Variants in IMMP2L observed in about 807,000 individuals in gnomAD.
IMMP2L encodes mitochondrial inner membrane protease subunit 2.
Under a neutral mutation model 19.3 loss-of-function variants are expected in IMMP2L, and 18 were observed. That is an observed-to-expected ratio of 0.93 (90% CI 0.64 to 1.38). IMMP2L has a LOEUF of 1.38. IMMP2L is among the 40% of genes most tolerant of loss of function. IMMP2L has a pLI of 0.00. For missense variants in IMMP2L, 233 were observed against 218.2 expected (o/e 1.07, Z -0.43); for synonymous variants, 76 against 73.0 (o/e 1.04, Z -0.21).
chr7:110,779,934 G>A (rs1799625577), intron 5 of IMMP2L, among the ~76,000 whole-genome samples: 1 of 151,664 alleles, frequency 6.6e-6, no homozygotes, highest in African/African-American at 2.4e-5. Context: ...AAAGAAAGAG[G>A]AAAACACACG....
chr7:111,351,865 G>C (rs1194871941), intron 3 of IMMP2L, among the ~76,000 whole-genome samples: 1 of 152,084 alleles, frequency 6.6e-6, no homozygotes, highest in Non-Finnish European at 1.5e-5. Flanking sequence ...CATATTTCAA[G>C]ACAGCTGCTA....
rs77902135 is a variant in IMMP2L, at chr7:110,912,790, T to C, written c.306-26095A>G. 3.7e-3 allele frequency among the ~76,000 whole-genome samples: 565 copies of C among 152,136 alleles called. 4 individuals are homozygous for C. The highest frequency in any genetic ancestry group is 0.01 in the Middle Eastern group (3 of 294). On this transcript the variant is annotated intron_variant, in intron 4 of 5. Coordinates refer to ENST00000405709, the MANE Select transcript of IMMP2L (RefSeq NM_032549.4). ...CCTAAGTTGATAATCAAGGTCTACATCTAGCCTGAAAGTAAAGTAGCAACC... is the reference window on the plus strand; with the variant it reads ...CCTAAGTTGATAATCAAGGTCTACACCTAGCCTGAAAGTAAAGTAGCAACC...
chr7:111,176,608 G>A (rs561932916), intron 3 of IMMP2L, among the ~76,000 whole-genome samples: 2 of 151,946 alleles, frequency 1.3e-5, no homozygotes, highest in Admixed American at 6.6e-5. Flanking sequence ...AAGAATGATG[G>A]TTATCAGAGA....
intron 3 of IMMP2L, among the ~76,000 whole-genome samples, chr7:111,156,361 T>G (rs1243945927): frequency 6.6e-6 from 1 of 152,120 alleles, no homozygotes; most frequent in Non-Finnish European, 1.5e-5. Context: ...TTTCCAATAC[T>G]TAGTATTTTA....
chr7:110,893,065 G>C (rs980311379), intron 4 of IMMP2L, among the ~76,000 whole-genome samples: 1 of 152,004 alleles, frequency 6.6e-6, no homozygotes, highest in Non-Finnish European at 1.5e-5. Flanking sequence ...AATAAATAAA[G>C]CAATATTGCA....
chr7:111,014,357 A>C (rs1825278297), intron 3 of IMMP2L, among the ~76,000 whole-genome samples: 1 of 152,078 alleles, frequency 6.6e-6, no homozygotes, highest in Non-Finnish European at 1.5e-5. Context: ...TCTGTGTCAA[A>C]AGAAAAAAAA....
intron 4 of IMMP2L, among the ~76,000 whole-genome samples, chr7:110,956,455 C>G (rs1325560148): frequency 6.6e-6 from 1 of 151,980 alleles, no homozygotes; most frequent in Admixed American, 6.6e-5. Context: ...TTGGAATTCT[C>G]CTGAACAGTC....
chr7:111,215,472 G>C (rs531985529), intron 3 of IMMP2L, among the ~76,000 whole-genome samples: 4 of 152,108 alleles, frequency 2.6e-5, no homozygotes, highest in Non-Finnish European at 5.9e-5. Flanking sequence ...TTTGAATATA[G>C]CTACTTTTAT....
chr7:111,038,402 C>T (rs1268835335), intron 3 of IMMP2L, among the ~76,000 whole-genome samples: 1 of 152,070 alleles, frequency 6.6e-6, no homozygotes, highest in Non-Finnish European at 1.5e-5. Context: ...ATTAGTAATA[C>T]ATGAAAGAGG....
chr7:111,337,187 T>C (rs1003354794), intron 3 of IMMP2L, among the ~76,000 whole-genome samples: 4 of 152,044 alleles, frequency 2.6e-5, no homozygotes, highest in African/African-American at 9.7e-5. Flanking sequence ...CTAAATGAAA[T>C]GTCTGGGTTT....
chr7:110,940,991 G>T (rs1480994599), intron 4 of IMMP2L, among the ~76,000 whole-genome samples: 1 of 152,108 alleles, frequency 6.6e-6, no homozygotes, highest in African/African-American at 2.4e-5. Flanking sequence ...AATCATCACT[G>T]CTGACATTCA....
At chr7:110,879,624 G>A (rs1270955154) in intron 5 of IMMP2L, among the ~76,000 whole-genome samples, 2 of 151,890 alleles carry the variant, frequency 1.3e-5, no homozygotes, top group Non-Finnish European at 2.9e-5. Flanking sequence ...TCTATTTCTT[G>A]ATATCTAGTC....
intron 3 of IMMP2L, among the ~76,000 whole-genome samples, chr7:111,147,862 A>T (rs189448979): frequency 6.6e-6 from 1 of 152,276 alleles, no homozygotes; most frequent in African/African-American, 2.4e-5. Context: ...TCCAAGAAGA[A>T]TTTATTCAAG....
chr7:111,089,070 G>C (rs1013851036), intron 3 of IMMP2L, among the ~76,000 whole-genome samples: 1 of 152,110 alleles, frequency 6.6e-6, no homozygotes, highest in Admixed American at 6.5e-5. Flanking sequence ...AGAGCACTCT[G>C]ATCTCCCACT....
chr7:110,764,780 T>C (rs1798559767), intron 5 of IMMP2L, among the ~76,000 whole-genome samples: 1 of 152,096 alleles, frequency 6.6e-6, no homozygotes, highest in South Asian at 2.1e-4. Context: ...TGTTAGTATT[T>C]AAGTGCAGCA....
chr7:111,085,032 GGA>G (rs2129576916), intron 3 of IMMP2L, among the ~76,000 whole-genome samples: 1 of 152,224 alleles, frequency 6.6e-6, no homozygotes, highest in South Asian at 2.1e-4. Flanking sequence ...TGAAAAGAAT[GGA>G]GAGAGACATA....
At chr7:111,086,062 G>T (rs182088100) in intron 3 of IMMP2L, among the ~76,000 whole-genome samples, 1 of 151,952 alleles carries the variant, frequency 6.6e-6, no homozygotes, top group East Asian at 1.9e-4. Flanking sequence ...ACAAAACCCC[G>T]CCCCATGCCC....
chr7:111,502,100 G>A (rs1046417606), intron 2 of IMMP2L, among the ~76,000 whole-genome samples: 2 of 152,028 alleles, frequency 1.3e-5, no homozygotes, highest in Non-Finnish European at 2.9e-5. Flanking sequence ...ACACACATAG[G>A]CTCAAAATAA....
At chr7:111,243,065 A>C (rs2129630349) in intron 3 of IMMP2L, among the ~76,000 whole-genome samples, 1 of 152,194 alleles carries the variant, frequency 6.6e-6, no homozygotes, top group African/African-American at 2.4e-5. Flanking sequence ...CTGAAGGTGA[A>C]AAATATTGTT....
Sources: allele counts gnomAD v4.1 joint callset (sites outside exome capture counted in the v4.1 genomes callset), GRCh38; gene constraint gnomAD v4.1.1; transcripts MANE v1.5; gene names NCBI Gene and HGNC (gene_info 2026-07-23, HGNC 2026-07-21).